NKAIN3: variants seen among roughly 807,000 people sequenced by gnomAD.
The protein encoded by NKAIN3 is sodium/potassium-transporting ATPase subunit beta-1-interacting protein 3.
In NKAIN3, 25 loss-of-function variants were observed where a neutral mutation model predicts 30.2. That is an observed-to-expected ratio of 0.83 (90% CI 0.60 to 1.16). The LOEUF (loss-of-function observed/expected upper bound fraction) is 1.16. Among genes scored for constraint, NKAIN3 ranks in the 50% most tolerant of loss-of-function variants. NKAIN3 has a pLI of 0.00. For synonymous variants in NKAIN3, 91 were observed against 89.6 expected (o/e 1.02, Z -0.09); for missense variants, 225 against 254.1 (o/e 0.89, Z 0.78).
At chr8:62,993,278 C>A (rs1036776386) in intron 5 of NKAIN3, among the ~76,000 whole-genome samples, 11 of 152,300 alleles carry the variant, frequency 7.2e-5, no homozygotes, top group African/African-American at 2.4e-4. Context: ...GAACACATAG[C>A]AAACTCTGCC....
intron 1 of NKAIN3, among the ~76,000 whole-genome samples, chr8:62,530,530 A>G (rs11781764): frequency 0.37 from 56,012 of 151,960 alleles, 12,055 homozygotes; most frequent in Non-Finnish European, 0.49. Flanking sequence ...CTCTGCAAAT[A>G]AATTCCCCTA....
intron 1 of NKAIN3, among the ~76,000 whole-genome samples, chr8:62,465,083 C>T (rs144376317): frequency 4.2e-4 from 64 of 152,250 alleles, no homozygotes; most frequent in African/African-American, 1.4e-3. Context: ...TATCACTTTA[C>T]AGCTTTATTA....
intron 5 of NKAIN3, among the ~76,000 whole-genome samples, chr8:62,934,453 A>G (rs372550724): frequency 6.6e-6 from 1 of 152,040 alleles, no homozygotes; most frequent in Non-Finnish European, 1.5e-5. Flanking sequence ...AACACAAAAA[A>G]GTTTTTATCT....
At chr8:62,830,869 C>T (rs1206320423) in intron 4 of NKAIN3, among the ~76,000 whole-genome samples, 2 of 152,208 alleles carry the variant, frequency 1.3e-5, no homozygotes, top group Non-Finnish European at 2.9e-5. Flanking sequence ...CCCTTCAGCA[C>T]TGATGCTTGT....
intron 1 of NKAIN3, among the ~76,000 whole-genome samples, chr8:62,417,325 T>G (rs944795212): frequency 6.6e-6 from 1 of 152,168 alleles, no homozygotes; most frequent in African/African-American, 2.4e-5. Context: ...TAGGGATGAA[T>G]AGTACTCCAT....
intron 3 of NKAIN3, among the ~76,000 whole-genome samples, chr8:62,675,966 G>T (rs544212024): frequency 5.3e-5 from 8 of 152,234 alleles, no homozygotes; most frequent in Admixed American, 1.3e-4. Flanking sequence ...TACATTCCCT[G>T]CTATTCTGTT....
chr8:62,709,117 A>C (rs946284100), intron 3 of NKAIN3, among the ~76,000 whole-genome samples: 1 of 152,040 alleles, frequency 6.6e-6, no homozygotes, highest in African/African-American at 2.4e-5. Flanking sequence ...TGTTGGATTC[A>C]GTTAGCTAGT....
intron 3 of NKAIN3, among the ~76,000 whole-genome samples, chr8:62,610,729 T>C (rs1188850867): frequency 1.3e-5 from 2 of 152,156 alleles, no homozygotes; most frequent in Non-Finnish European, 2.9e-5. Context: ...TCACACTGCT[T>C]ATTTCTCTTT....
intron 1 of NKAIN3, among the ~76,000 whole-genome samples, chr8:62,259,409 G>A (rs1285185177): frequency 6.6e-6 from 1 of 152,044 alleles, no homozygotes; most frequent in East Asian, 1.9e-4. Flanking sequence ...TCTTTCTTAG[G>A]TGCATCAAAA....
chr8:62,276,112 C>G (rs1327392498), intron 1 of NKAIN3, among the ~76,000 whole-genome samples: 3 of 152,154 alleles, frequency 2.0e-5, no homozygotes, highest in Admixed American at 6.6e-5. Flanking sequence ...GTCACCCAGG[C>G]TGGAGTGCAG....
chr8:62,478,203 T>G (rs1806582683), intron 1 of NKAIN3, among the ~76,000 whole-genome samples: 1 of 152,160 alleles, frequency 6.6e-6, no homozygotes, highest in African/African-American at 2.4e-5. Flanking sequence ...ATGAGGAAAC[T>G]GAGACATAGT....
intron 4 of NKAIN3, among the ~76,000 whole-genome samples, chr8:62,807,615 C>T (rs1277056393): frequency 2.8e-5 from 4 of 145,042 alleles, no homozygotes; most frequent in South Asian, 2.2e-4. Context: ...TGCAGTGGCT[C>T]GATCTCGGCT....
chr8:62,338,115 A>T (rs760057606), intron 1 of NKAIN3, among the ~76,000 whole-genome samples: 5 of 152,038 alleles, frequency 3.3e-5, no homozygotes, highest in African/African-American at 4.8e-5. Flanking sequence ...TTGGTAACAC[A>T]TTAGTTTGAA....
intron 1 of NKAIN3, among the ~76,000 whole-genome samples, chr8:62,270,539 A>G (rs1812747546): frequency 6.6e-6 from 1 of 152,206 alleles, no homozygotes; most frequent in Non-Finnish European, 1.5e-5. Flanking sequence ...TAATGCATAT[A>G]TCACCTCAAA....
intron 1 of NKAIN3, among the ~76,000 whole-genome samples, chr8:62,468,522 C>T (rs1244740747): frequency 6.6e-6 from 1 of 152,202 alleles, no homozygotes; most frequent in African/African-American, 2.4e-5. Context: ...TTGGAAATGG[C>T]AGCACATTTG....
intron 1 of NKAIN3, among the ~76,000 whole-genome samples, chr8:62,393,699 CT>C (rs1209859529): frequency 1.3e-5 from 2 of 151,920 alleles, no homozygotes; most frequent in African/African-American, 4.8e-5. Context: ...GAATTGACCT[CT>C]TAAAAATGGT....
chr8:62,502,445 C>T (rs913903375), intron 1 of NKAIN3, among the ~76,000 whole-genome samples: 1 of 152,158 alleles, frequency 6.6e-6, no homozygotes, highest in African/African-American at 2.4e-5. Flanking sequence ...AGCCCTCACA[C>T]TCATGTAATT....
chr8:62,500,469 G>GAAAGAAGA (rs1807402321), intron 1 of NKAIN3, among the ~76,000 whole-genome samples: 1 of 119,320 alleles, frequency 8.4e-6, no homozygotes, highest in Non-Finnish European at 1.7e-5. Context: ...AAGAAAGAAA[G>GAAAGAAGA]AAAGAAAGAA....
At chr8:62,454,309 A>AG in intron 1 of NKAIN3, among the ~76,000 whole-genome samples, 1 of 148,064 alleles carries the variant, frequency 6.8e-6, no homozygotes, top group Non-Finnish European at 1.5e-5. Context: ...TGCAAAAAAA[A>AG]AAAAAAAAAA....
Sources: allele counts gnomAD v4.1 joint callset (sites outside exome capture counted in the v4.1 genomes callset), GRCh38; gene constraint gnomAD v4.1.1; transcripts MANE v1.5; gene names NCBI Gene and HGNC (gene_info 2026-07-23, HGNC 2026-07-21).